The following NRBP1 variants were observed in gnomAD, a reference collection of about 807,000 sequenced individuals.
NRBP1 encodes the protein nuclear receptor-binding protein.
In NRBP1, 10 loss-of-function variants were observed where a neutral mutation model predicts 76.0. The observed-to-expected ratio is 0.13, with a 90% CI of 0.08 to 0.22. The LOEUF (loss-of-function observed/expected upper bound fraction) is 0.22, where lower values mean the gene tolerates loss of function less well. NRBP1 is among the 10% of genes least tolerant of loss of function. NRBP1 has a pLI of 1.00. For synonymous variants in NRBP1, 235 were observed against 240.2 expected (o/e 0.98, Z 0.20); for missense variants, 344 against 646.0 (o/e 0.53, Z 5.07).
At chr2:27,429,248 G>A (rs1197341454) in intron 1 of NRBP1, 1 of 152,432 alleles carries the variant, frequency 6.6e-6, no homozygotes, top group Non-Finnish European at 1.5e-5. Flanking sequence ...CTGCCTTCCA[G>A]ACGCAGGGCA....
chr2:27,434,837 CTTCTG>C, intron 6 of NRBP1, 75 bp downstream of exon 6: 4 of 1,418,826 alleles, frequency 2.8e-6, no homozygotes, highest in Non-Finnish European at 3.0e-6. Context: ...GGGCACTACT[CTTCTG>C]TTCTATTCTG....
In NRBP1 at chr2:27,437,677, C is replaced by T. The variant is rs1664361793; in HGVS notation, c.903+317C>T. ...ACGAGGTCAGGGGATCGAGACCATC[C>T]TGGCTAACATGGTGAAACCCTGTCT... On this transcript the variant is annotated intron_variant, in intron 10 of 17. Coordinates refer to ENST00000379852, the MANE Select transcript of NRBP1 (RefSeq NM_013392.4). 3.3e-5 allele frequency among the ~76,000 whole-genome samples: 5 copies of T among 151,702 alleles called. No homozygotes were observed. The South Asian group carries it at 1.0e-3, about 32-fold the overall frequency.
chr2:27,442,259 AGCGTCGT>A (rs1664617384), downstream of NRBP1: 2 of 690,662 alleles, frequency 2.9e-6, no homozygotes, highest in Admixed American at 7.6e-5. Context: ...TTTTGCTAAA[AGCGTCGT>A]GTGTTCGCGC....
intron 4 of NRBP1, among the ~76,000 whole-genome samples, 174 bp from the exon 5 acceptor site, chr2:27,434,297 T>G (rs1165986954): frequency 6.6e-6 from 1 of 152,236 alleles, no homozygotes; most frequent in Non-Finnish European, 1.5e-5. Context: ...GAACTTTTGC[T>G]TCTTTCTTCC....
chr2:27,430,304 G>A (rs543224878), intron 1 of NRBP1, among the ~76,000 whole-genome samples: 4 of 152,250 alleles, frequency 2.6e-5, no homozygotes, highest in Admixed American at 1.3e-4. Flanking sequence ...TGAGTTAAAC[G>A]TAGTGTAGAT....
At position 27,439,747 on chromosome 2, in the gene NRBP1, TC is replaced by T; in HGVS notation, c.904-17del. On this transcript the variant is annotated intron_variant, in intron 10 of 17. Coordinates refer to ENST00000379852, the MANE Select transcript of NRBP1 (RefSeq NM_013392.4). ...GGGCTTGCCAGATGCCTGCTCCAGT[TC>T]CTTGTTTCCTTTTCTAGGAGTTCAT... is the stretch of plus-strand genomic sequence containing the variant. 1 of 1,613,736 alleles carries T rather than the reference TC, an allele frequency of 6.2e-7. No homozygotes were observed.
rs70953859 is a variant in NRBP1, at chr2:27,439,995, C to CTTTTTTTTTTTT, written c.1036+122_1036+133dup. 2.6e-5 allele frequency: 12 copies of CTTTTTTTTTTTT among 459,792 alleles called. 2 individuals are homozygous for CTTTTTTTTTTTT. The highest frequency in any genetic ancestry group is 1.0e-4 in the East Asian group (1 of 9,644). The allele number at this position is 459,792 out of a possible 1,614,324, so 28.5% of individuals were successfully genotyped here. A position where few individuals can be genotyped will look rare whatever the true frequency, so the allele number is the denominator to read the frequency against. ...TTTCCTCTTTATTTCCAAAGGGATT[C>CTTTTTTTTTTTT]TTTTTTTTTTTTTTTTTTTTTTTTT... On this transcript the variant is annotated intron_variant, in intron 11 of 17. Transcript: ENST00000379852.
intron 1 of NRBP1, chr2:27,431,711 T>A (rs1409246004): frequency 6.6e-6 from 1 of 152,144 alleles, no homozygotes; most frequent in Non-Finnish European, 1.5e-5. Flanking sequence ...ATGCCAAGGT[T>A]AGTTCTAGCT....
upstream of NRBP1, chr2:27,428,570 G>T (rs1436037900): frequency 2.5e-6 from 1 of 396,976 alleles, no homozygotes; most frequent in Non-Finnish European, 4.4e-6. Flanking sequence ...ATGGAAACCT[G>T]CCGGCGGTGC....
intron 13 of NRBP1, 21 bp downstream of exon 13, chr2:27,440,723 A>G (rs554491933): frequency 5.0e-6 from 8 of 1,614,052 alleles, no homozygotes; most frequent in Non-Finnish European, 6.8e-6. Context: ...AGTGAGAAGC[A>G]GGCTTTCTTG....
rs1664577940 is a variant in NRBP1 at position 27,441,747 on chromosome 2, T to G, written c.1543T>G (p.Leu515Val). ...GTTGACTTCTCTGCTAGAAGAGACC[T>G]TGAACAAGTTCAATTTTGCCAGGAA... ...SRLTSLLEET[L>V]NKFNFARNST... Residue 515 changes from leucine to valine, a missense_variant, in exon 18 of 18, where the codon TTG (leucine) becomes GTG (valine). Leu to Val is a conservative substitution (Grantham distance 32). This residue lies in a region of NRBP1 where 218 missense variants were observed against 309.8 expected (regional missense o/e 0.70). Transcript: ENST00000379852. 3 of 1,614,056 alleles carry G rather than the reference T, an allele frequency of 1.9e-6. No individual in the cohort carries two copies. The highest frequency in any genetic ancestry group is 2.5e-6 in the Non-Finnish European group (3 of 1,179,962).
chr2:27,435,816 G>A, intron 7 of NRBP1: 1 of 717,356 alleles, frequency 1.4e-6, no homozygotes, highest in Non-Finnish European at 2.6e-6. Flanking sequence ...GCTGCCCAGT[G>A]CATGCAGTCG....
At chr2:27,437,614 G>A (rs1664356488) in intron 10 of NRBP1, among the ~76,000 whole-genome samples, 1 of 152,210 alleles carries the variant, frequency 6.6e-6, no homozygotes, top group South Asian at 2.1e-4. Flanking sequence ...GCTCACGCCT[G>A]TAATCCCAGC....
In NRBP1 at chr2:27,437,402, A is replaced by G. The variant is rs368230396; in HGVS notation, c.903+42A>G. On this transcript the variant is annotated intron_variant, in intron 10 of 17. Transcript: ENST00000379852. ...TCACTCCCTCCTCAACTGACCTTCA[A>G]ATGTCTTCTGGTTTTTCTTCCTTTG... is the stretch of plus-strand genomic sequence containing the variant. The G allele has an allele frequency of 2.8e-5, 40 of 1,448,318 alleles. No individual in the cohort carries two copies. The African/African-American group carries it at 4.3e-4, about 16-fold the overall frequency. The allele number at this position is 1,448,318 out of a possible 1,614,324, so 89.7% of individuals were successfully genotyped here.
At chr2:27,437,205 G>A (rs1010737615) in intron 9 of NRBP1, 57 bp from the exon 10 acceptor site, 1 of 1,573,260 alleles carries the variant, frequency 6.4e-7, no homozygotes, top group African/African-American at 1.3e-5. Flanking sequence ...GGGAGTGATT[G>A]TGGGAGCACT....
At chr2:27,436,683 G>T in intron 7 of NRBP1, 70 bp from the exon 8 acceptor site, 1 of 1,395,848 alleles carries the variant, frequency 7.2e-7, no homozygotes, top group South Asian at 1.2e-5. Flanking sequence ...TGGCTTTTGG[G>T]GCCTCTCTCT....
chr2:27,440,601 G>T (rs1373673362), intron 12 of NRBP1, 51 bp from the exon 13 acceptor site: 2 of 1,610,614 alleles, frequency 1.2e-6, no homozygotes, highest in Non-Finnish European at 1.7e-6. Flanking sequence ...GCTTGAATTT[G>T]CTATTTTGCT....
chr2:27,437,439 T>TACAAAGG, intron 10 of NRBP1, 79 bp downstream of exon 10: 4 of 1,014,556 alleles, frequency 3.9e-6, no homozygotes, highest in Non-Finnish European at 6.1e-6. Flanking sequence ...ACCCACTGGG[T>TACAAAGG]ATATGCTCCT....
intron 1 of NRBP1, among the ~76,000 whole-genome samples, chr2:27,430,679 C>T (rs1296508700): frequency 6.6e-6 from 1 of 151,842 alleles, no homozygotes; most frequent in African/African-American, 2.4e-5. Context: ...AGGCTGGTCT[C>T]GAACTCTTGA....
Sources: allele counts gnomAD v4.1 joint callset (sites outside exome capture counted in the v4.1 genomes callset), GRCh38; gene constraint gnomAD v4.1.1; regional missense constraint gnomAD v4.1.1; transcripts MANE v1.5; gene names NCBI Gene and HGNC (gene_info 2026-07-23, HGNC 2026-07-21).